Variants in MAMLD1 observed in about 807,000 individuals in gnomAD.
MAMLD1 encodes the protein mastermind like domain containing 1.
In MAMLD1, 14 loss-of-function variants were observed where a neutral mutation model predicts 45.0. The observed-to-expected ratio is 0.31, with a 90% CI of 0.21 to 0.49. The LOEUF is 0.49. Ranked by LOEUF, MAMLD1 falls within the 20% of genes least tolerant of loss-of-function variation. The pLI is 0.99. For synonymous variants in MAMLD1, 254 were observed against 247.8 expected, an observed-to-expected ratio of 1.02 and a Z score of -0.24; for missense variants, 543 against 603.6, an observed-to-expected ratio of 0.90 and a Z score of 1.05.
intron 6 of MAMLD1, chrX:150,509,580 A>G (rs1251383540): frequency 4.9e-6 from 1 of 204,460 alleles, no homozygotes; most frequent in Non-Finnish European, 8.9e-6. Flanking sequence ...CCCTCCTTCT[A>G]CATACTCTGC....
chrX:150,420,584 T>C lies in MAMLD1; in HGVS notation c.-63-24870T>C, dbSNP rs184764684. 3.4e-3 allele frequency among the ~76,000 whole-genome samples: 386 copies of C among 112,302 alleles called. 1 individual carries two copies. The highest frequency in any genetic ancestry group is 0.012 in the African/African-American group (376 of 30,868). On this transcript the variant is annotated intron_variant, in intron 1 of 7. Coordinates refer to ENST00000370401, the MANE Select transcript of MAMLD1 (RefSeq NM_005491.5). ...TCTTTGTTGTTTTATCTACTTTTGG[T>C]CTTTGATGATGGTGATGTACAGATG...
chrX:150,403,079 A>T, intron 1 of MAMLD1, among the ~76,000 whole-genome samples: 1 of 111,403 alleles, frequency 9.0e-6, no homozygotes, highest in Non-Finnish European at 1.9e-5. Context: ...AGTAATAAAA[A>T]AAAAAGTCAT....
At chrX:150,459,404 C>G (rs2035968367) in intron 2 of MAMLD1, among the ~76,000 whole-genome samples, 1 of 111,091 alleles carries the variant, frequency 9.0e-6, no homozygotes, top group South Asian at 3.8e-4. Flanking sequence ...CTCTCTCTCT[C>G]TCTCTTTCTC....
intron 3 of MAMLD1, among the ~76,000 whole-genome samples, chrX:150,467,610 A>C (rs1208266090): frequency 8.9e-6 from 1 of 112,680 alleles, no homozygotes; most frequent in Non-Finnish European, 1.9e-5. Context: ...TCAAAAGAAA[A>C]GTCAAAGAAG....
At chrX:150,407,957 G>A (rs147164866) in intron 1 of MAMLD1, among the ~76,000 whole-genome samples, 3,705 of 111,508 alleles carry the variant, frequency 0.033, 160 homozygotes, top group African/African-American at 0.11. Flanking sequence ...TCTCTTTGCT[G>A]GCTCTATGAT....
chrX:150,471,086 G>A lies in MAMLD1; in HGVS notation c.1513G>A (p.Val505Met), dbSNP rs1557406480. The A allele has an allele frequency of 8.3e-7, 1 of 1,209,827 alleles. No homozygotes were observed. Among genetic ancestry groups the A allele is most frequent in the Admixed American group, 2.2e-5 (1 of 45,869 alleles). Residue 505 changes from valine (V) to methionine (M), a missense_variant, in exon 4 of 8, where the codon GTG (valine) becomes ATG (methionine). Transcript: ENST00000370401. ...QQQQQQQQAN[V>M]IFKPISSNSS... The stretch of plus-strand genomic sequence containing the variant: ...GCAGCAGCAGCAGCAGCAAGCAAAT[G>A]TGATCTTTAAGCCCATAAGCAGCAA...
At chrX:150,500,356 G>C (rs1193352385) in intron 5 of MAMLD1, among the ~76,000 whole-genome samples, 6 of 111,344 alleles carry the variant, frequency 5.4e-5, no homozygotes, top group Non-Finnish European at 1.1e-4. Context: ...CTGGGGGTAC[G>C]TGACATTATG....
intron 1 of MAMLD1, among the ~76,000 whole-genome samples, chrX:150,429,790 G>C (rs185795806): frequency 3.6e-5 from 4 of 110,241 alleles, no homozygotes; most frequent in Non-Finnish European, 5.7e-5. Flanking sequence ...GAGTGATCCA[G>C]TTTCTCCACT....
chrX:150,457,466 A>G (rs782202258), intron 2 of MAMLD1, among the ~76,000 whole-genome samples: 1 of 111,701 alleles, frequency 9.0e-6, no homozygotes, highest in South Asian at 3.8e-4. Flanking sequence ...TAGCAATTCC[A>G]CTCCTTGGTA....
chrX:150,453,989 G>T (rs1405759319), intron 2 of MAMLD1, among the ~76,000 whole-genome samples: 1 of 112,279 alleles, frequency 8.9e-6, no homozygotes, highest in African/African-American at 3.2e-5. Flanking sequence ...CCTTCTCTCT[G>T]GTTCCCCACT....
chrX:150,388,514 AATTCAACTTCCTTAACAGTGATAGTGCT>A (rs1182336295), intron 1 of MAMLD1, among the ~76,000 whole-genome samples: 1 of 112,240 alleles, frequency 8.9e-6, no homozygotes, highest in Non-Finnish European at 1.9e-5. Flanking sequence ...TACAATTATG[AATTCAACTTCCTTAACAGTGATAGTGCT>A]ATTCAAATTG....
At chrX:150,428,141 G>A (rs148067351) in intron 1 of MAMLD1, among the ~76,000 whole-genome samples, 83 of 111,135 alleles carry the variant, frequency 7.5e-4, no homozygotes, top group African/African-American at 2.5e-3. Context: ...CTTCTTCTGG[G>A]TATGGGTGGC....
At chrX:150,450,735 G>C (rs2035635612) in intron 2 of MAMLD1, among the ~76,000 whole-genome samples, 1 of 111,361 alleles carries the variant, frequency 9.0e-6, no homozygotes, top group Non-Finnish European at 1.9e-5. Context: ...GCCATCAGAA[G>C]AGTGATGGAA....
intron 1 of MAMLD1, among the ~76,000 whole-genome samples, chrX:150,430,001 CT>C (rs1464440735): frequency 9.7e-5 from 7 of 72,274 alleles, no homozygotes; most frequent in Non-Finnish European, 2.0e-4. Context: ...TGCCCATTTT[CT>C]TTTCTTTCTT....
intron 5 of MAMLD1, among the ~76,000 whole-genome samples, chrX:150,476,492 C>T (rs1276460417): frequency 8.9e-6 from 1 of 112,104 alleles, no homozygotes; most frequent in Non-Finnish European, 1.9e-5. Context: ...AAGAGGCAGC[C>T]TCTGGCCAGA....
rs1405489784 is a variant in MAMLD1 at position 150,382,885 on chromosome X, A to AT, written c.-64+19370dup. Among the ~76,000 whole-genome samples the AT allele has an allele frequency of 1.3e-3, 55 of 41,145 alleles. 7 individuals carry two copies. Among genetic ancestry groups the AT allele is most frequent in the African/African-American group, 4.3e-3 (20 of 4,609 alleles). The allele number at this position is 41,145 out of a possible 115,157, so 35.7% of individuals were successfully genotyped here. A position where few individuals can be genotyped will look rare whatever the true frequency, so the allele number is the denominator to read the frequency against. ...CAAATATTTTGTCCCATTTTATTTT[A>AT]TTTTTTTTTTTTTTTATTTTTTATT... On this transcript the variant is annotated intron_variant, in intron 1 of 7. Coordinates refer to ENST00000370401, the MANE Select transcript of MAMLD1 (RefSeq NM_005491.5).
At chrX:150,384,742 A>C (rs2032835466) in intron 1 of MAMLD1, among the ~76,000 whole-genome samples, 1 of 112,186 alleles carries the variant, frequency 8.9e-6, no homozygotes, top group Non-Finnish European at 1.9e-5. Context: ...TTATAGTTTT[A>C]GTTCTTACAT....
At chrX:150,487,747 G>A (rs1602988191) in intron 5 of MAMLD1, among the ~76,000 whole-genome samples, 2 of 112,062 alleles carry the variant, frequency 1.8e-5, no homozygotes, top group Admixed American at 1.9e-4. Context: ...CCCCACCCCA[G>A]CCTAAGTCAG....
intron 1 of MAMLD1, among the ~76,000 whole-genome samples, chrX:150,364,782 C>A (rs895498128): frequency 8.8e-6 from 1 of 113,164 alleles, no homozygotes; most frequent in Non-Finnish European, 1.9e-5. Context: ...TGAGACCAAG[C>A]AATTTTGAAA....
Sources: gnomAD v4.1 joint callset for allele counts (sites outside exome capture counted in the v4.1 genomes callset) on GRCh38, gnomAD v4.1.1 for gene constraint, MANE v1.5 for transcripts, NCBI Gene and HGNC (gene_info 2026-07-23, HGNC 2026-07-21) for gene names.